The following RANBP2 variants were observed in gnomAD, a reference collection of about 807,000 sequenced individuals.
RANBP2 encodes the protein E3 SUMO-protein ligase RanBP2.
In RANBP2, 57 loss-of-function variants were observed where a neutral mutation model predicts 303.6. The ratio of observed to expected loss-of-function variants is 0.19; its 90% confidence interval spans 0.15 to 0.23. The LOEUF is 0.23. Ranked by LOEUF, RANBP2 falls within the 10% of genes least tolerant of loss-of-function variation. RANBP2 has a pLI of 1.00. For missense variants in RANBP2, 3,138 were observed against 3,780.8 expected, an observed-to-expected ratio of 0.83 and a Z score of 4.46; for synonymous variants, 1,167 against 1,301.5, an observed-to-expected ratio of 0.90 and a Z score of 2.23.
the RANBP2 span, among the ~76,000 whole-genome samples, chr2:109,514,124 G>C: frequency 4.6e-5 from 7 of 152,282 alleles, no homozygotes; most frequent in African/African-American, 1.7e-4. Flanking sequence ...TCCATCAAGT[G>C]CTCTTGCAGC....
At chr2:109,505,477 A>G in the RANBP2 span, among the ~76,000 whole-genome samples, 1 of 152,214 alleles carries the variant, frequency 6.6e-6, no homozygotes, top group Non-Finnish European at 1.5e-5. Context: ...GTTCAAGTCC[A>G]GCCTGGGCAA....
At chr2:109,009,200 C>T in the RANBP2 span, among the ~76,000 whole-genome samples, 1 of 151,686 alleles carries the variant, frequency 6.6e-6, no homozygotes, top group Non-Finnish European at 1.5e-5. Flanking sequence ...ATTAGCCTGG[C>T]ATGGTGGCAG....
the RANBP2 span, among the ~76,000 whole-genome samples, chr2:108,964,914 C>T: frequency 6.6e-6 from 1 of 152,132 alleles, no homozygotes; most frequent in African/African-American, 2.4e-5. Flanking sequence ...GAATAAGGAA[C>T]AGTTCATTCA....
the RANBP2 span, among the ~76,000 whole-genome samples, chr2:109,338,309 T>G: frequency 1.3e-5 from 2 of 152,074 alleles, no homozygotes; most frequent in Non-Finnish European, 2.9e-5. Flanking sequence ...AGGCAGGGTG[T>G]GGCAGAATTG....
At chr2:108,741,480 G>C (rs966475716) in intron 7 of RANBP2, among the ~76,000 whole-genome samples, 3 of 133,516 alleles carry the variant, frequency 2.2e-5, no homozygotes, top group Admixed American at 1.6e-4. Flanking sequence ...ACAGGCGCAA[G>C]CCACTGCGCC....
chr2:109,720,671 T>C, the RANBP2 span, among the ~76,000 whole-genome samples: 1 of 152,186 alleles, frequency 6.6e-6, no homozygotes, highest in Non-Finnish European at 1.5e-5. Context: ...ATGCCATCAT[T>C]GTTTACAGTT....
the RANBP2 span, among the ~76,000 whole-genome samples, chr2:109,315,488 G>A: frequency 1.3e-5 from 2 of 152,234 alleles, no homozygotes; most frequent in Admixed American, 1.3e-4. Context: ...AGGCAGTAAG[G>A]AACTGTCTCA....
chr2:109,398,766 GA>G, the RANBP2 span: 1 of 1,613,684 alleles, frequency 6.2e-7, no homozygotes, highest in East Asian at 2.2e-5. Flanking sequence ...ATGGCAAGAA[GA>G]ACACCAAGAA....
chr2:108,841,004 T>TTTG, the RANBP2 span, among the ~76,000 whole-genome samples: 21 of 151,482 alleles, frequency 1.4e-4, no homozygotes, highest in African/African-American at 4.9e-4. Flanking sequence ...TGTGTGTGTT[T>TTTG]TTTGTTTGTT....
the RANBP2 span, among the ~76,000 whole-genome samples, chr2:108,899,977 C>T: frequency 6.6e-6 from 1 of 152,004 alleles, no homozygotes; most frequent in Non-Finnish European, 1.5e-5. Context: ...CAGAGTAAAA[C>T]TCCATGTCAA....
chr2:109,488,392 G>A, the RANBP2 span, among the ~76,000 whole-genome samples: 9 of 152,222 alleles, frequency 5.9e-5, no homozygotes, highest in Non-Finnish European at 1.3e-4. Flanking sequence ...AACTCTTGCT[G>A]TGGGTTCAGG....
the RANBP2 span, among the ~76,000 whole-genome samples, chr2:108,844,858 C>T: frequency 6.6e-6 from 1 of 151,858 alleles, no homozygotes; most frequent in Non-Finnish European, 1.5e-5. Flanking sequence ...AGCGATTCTC[C>T]TGCCTCACCC....
At chr2:109,598,942 T>TG in the RANBP2 span, among the ~76,000 whole-genome samples, 19 of 151,804 alleles carry the variant, frequency 1.3e-4, 1 homozygote, top group East Asian at 3.7e-3. Flanking sequence ...TTCAGGAGGG[T>TG]GGGGTATTTG....
chr2:109,438,653 C>A, the RANBP2 span, among the ~76,000 whole-genome samples: 2 of 152,332 alleles, frequency 1.3e-5, no homozygotes, highest in African/African-American at 4.8e-5. Flanking sequence ...GGTGCCCAAG[C>A]CCACCCTGCA....
At chr2:109,651,532 C>A in the RANBP2 span, among the ~76,000 whole-genome samples, 1 of 152,154 alleles carries the variant, frequency 6.6e-6, no homozygotes, top group Non-Finnish European at 1.5e-5. Context: ...GCTGTTGCAC[C>A]AAGCACCTCT....
chr2:109,489,297 G>A, the RANBP2 span, among the ~76,000 whole-genome samples: 1 of 152,358 alleles, frequency 6.6e-6, no homozygotes, highest in African/African-American at 2.4e-5. Context: ...CCCTTCACCG[G>A]GCACTAAGCA....
the RANBP2 span, among the ~76,000 whole-genome samples, chr2:109,557,977 G>T: frequency 6.6e-6 from 1 of 151,538 alleles, no homozygotes; most frequent in Non-Finnish European, 1.5e-5. Context: ...ATTCTTTGTA[G>T]AGACAGAGTT....
the RANBP2 span, among the ~76,000 whole-genome samples, chr2:109,381,183 G>A: frequency 6.6e-6 from 1 of 152,308 alleles, no homozygotes; most frequent in African/African-American, 2.4e-5. Context: ...CTGGAAGTGT[G>A]TCAGCCTAGG....
At chr2:109,047,076 C>G in the RANBP2 span, among the ~76,000 whole-genome samples, 1 of 152,068 alleles carries the variant, frequency 6.6e-6, no homozygotes, top group Non-Finnish European at 1.5e-5. Context: ...GTCCTCCCAC[C>G]GAGAACCCAG....
Sources: allele counts gnomAD v4.1 joint callset (sites outside exome capture counted in the v4.1 genomes callset), GRCh38; gene constraint gnomAD v4.1.1; transcripts MANE v1.5; gene names NCBI Gene and HGNC (gene_info 2026-07-23, HGNC 2026-07-21).